PRSS23: variants seen among roughly 807,000 people sequenced by gnomAD.
PRSS23 encodes the protein serine protease 23.
Under a neutral mutation model 34.7 loss-of-function variants are expected in PRSS23, and 25 were observed. The observed-to-expected ratio is 0.72, with a 90% CI of 0.53 to 1.01. The LOEUF is 1.01. Among genes scored for constraint, PRSS23 ranks in the 50% least tolerant of loss-of-function variants. PRSS23 has a pLI of 0.00. For missense variants in PRSS23, 445 were observed against 475.6 expected (o/e 0.94, Z 0.60); for synonymous variants, 176 against 186.6 (o/e 0.94, Z 0.46).
At chr11:86,900,160 C>A (rs1948901957) in intron 2 of PRSS23, among the ~76,000 whole-genome samples, 1 of 152,194 alleles carries the variant, frequency 6.6e-6, no homozygotes, top group Non-Finnish European at 1.5e-5. Flanking sequence ...AGACTGGTAT[C>A]TTGTTCTCTA....
At chr11:86,796,486 A>G (rs1947981546), upstream of PRSS23, among the ~76,000 whole-genome samples, 1 of 151,442 alleles carries the variant, frequency 6.6e-6, no homozygotes, top group Admixed American at 6.6e-5. Context: ...CTAAAAATAC[A>G]AAAAATTAGC....
At chr11:86,883,320 A>G (rs567933148) in intron 2 of PRSS23, among the ~76,000 whole-genome samples, 2 of 152,372 alleles carry the variant, frequency 1.3e-5, no homozygotes, top group African/African-American at 4.8e-5. Flanking sequence ...AACAGAATAG[A>G]GAACCCAGAA....
intron 2 of PRSS23, among the ~76,000 whole-genome samples, chr11:86,854,760 A>G (rs1309984941): frequency 6.6e-6 from 1 of 152,256 alleles, no homozygotes; most frequent in Non-Finnish European, 1.5e-5. Context: ...CGATTTGTTG[A>G]AAAGTATGCT....
intron 2 of PRSS23, among the ~76,000 whole-genome samples, chr11:86,884,609 C>T (rs1460073034): frequency 4.6e-5 from 7 of 152,192 alleles, no homozygotes; most frequent in Non-Finnish European, 7.3e-5. Flanking sequence ...GTCTTGCACT[C>T]ATATTTGATT....
chr11:86,829,079 T>A (rs532825238), intron 2 of PRSS23, among the ~76,000 whole-genome samples: 1 of 152,262 alleles, frequency 6.6e-6, no homozygotes, highest in Non-Finnish European at 1.5e-5. Flanking sequence ...GATAATGACC[T>A]GCAGAGTATT....
intron 2 of PRSS23, among the ~76,000 whole-genome samples, chr11:86,879,662 C>T (rs1194144663): frequency 3.1e-4 from 36 of 115,902 alleles, no homozygotes; most frequent in Non-Finnish European, 4.9e-4. Flanking sequence ...CCGCCCCGTC[C>T]GGGAAGGAGG....
chr11:86,873,473 G>A (rs1948701562), intron 2 of PRSS23, among the ~76,000 whole-genome samples: 1 of 151,512 alleles, frequency 6.6e-6, no homozygotes, highest in Non-Finnish European at 1.5e-5. Flanking sequence ...AGTAGAGTCG[G>A]GGTTTTCCTA....
chr11:86,899,889 G>A (rs1449304928), intron 2 of PRSS23, among the ~76,000 whole-genome samples: 4 of 151,378 alleles, frequency 2.6e-5, no homozygotes, highest in Non-Finnish European at 5.9e-5. Flanking sequence ...AAATTGGGAA[G>A]AGAAACACAT....
At chr11:86,862,363 T>C (rs1948622180) in intron 2 of PRSS23, among the ~76,000 whole-genome samples, 1 of 151,910 alleles carries the variant, frequency 6.6e-6, no homozygotes, top group South Asian at 2.1e-4. Context: ...ACAGGGGGTG[T>C]TCACCCTGGG....
intron 2 of PRSS23, among the ~76,000 whole-genome samples, chr11:86,895,171 C>T (rs1948866160): frequency 6.6e-6 from 1 of 152,172 alleles, no homozygotes; most frequent in Non-Finnish European, 1.5e-5. Context: ...AATTAAACAT[C>T]TATTCTACCC....
intron 2 of PRSS23, among the ~76,000 whole-genome samples, chr11:86,868,420 ATGT>A (rs942450626): frequency 6.6e-6 from 1 of 152,102 alleles, no homozygotes; most frequent in African/African-American, 2.4e-5. Context: ...GAGGTTATAA[ATGT>A]TGTTGAAAGA....
intron 2 of PRSS23, among the ~76,000 whole-genome samples, chr11:86,913,946 T>C (rs1948994608): frequency 6.8e-6 from 1 of 147,424 alleles, no homozygotes; most frequent in Non-Finnish European, 1.5e-5. Context: ...AGCTTATGCC[T>C]GTAATCCAAA....
chr11:86,911,044 A>G (rs1948973664), intron 2 of PRSS23: 1 of 152,112 alleles, frequency 6.6e-6, no homozygotes. Context: ...GAAGTACCAG[A>G]ATCTCAAAGT....
chr11:86,820,940 A>G (rs971148316), intron 1 of PRSS23, among the ~76,000 whole-genome samples: 1 of 152,202 alleles, frequency 6.6e-6, no homozygotes, highest in African/African-American at 2.4e-5. Flanking sequence ...TTCTAAAACC[A>G]TGAGTGCCAC....
chr11:86,907,246 C>G (rs1280453987), intron 2 of PRSS23, among the ~76,000 whole-genome samples: 1 of 152,040 alleles, frequency 6.6e-6, no homozygotes, highest in Non-Finnish European at 1.5e-5. Context: ...GGACATATGC[C>G]TAGAAAGAAA....
In PRSS23 at chr11:86,951,161, C is replaced by T. The variant is rs1949286997; in HGVS notation, c.207-55C>T. ...CTAGCCTTATACCACAGTCTCACTG[C>T]CTTTTCCAGGCTTCACCCAACCATT... On this transcript the variant is annotated intron_variant, in intron 2 of 2. Coordinates refer to the PRSS23 transcript ENST00000533902. 2 of 1,614,106 alleles carry T rather than the reference C, an allele frequency of 1.2e-6. No individual in the cohort carries two copies. The highest frequency in any genetic ancestry group is 1.7e-6 in the Non-Finnish European group (2 of 1,179,942).
intron 2 of PRSS23, chr11:86,857,170 T>C: frequency 2.8e-6 from 1 of 355,058 alleles, no homozygotes; most frequent in South Asian, 3.0e-5. Flanking sequence ...GACCACAGCG[T>C]ACATCACTGA....
chr11:86,819,642 A>G (rs1223517818), intron 1 of PRSS23, among the ~76,000 whole-genome samples: 5 of 152,162 alleles, frequency 3.3e-5, no homozygotes, highest in Non-Finnish European at 5.9e-5. Context: ...CAGGTTTGGA[A>G]AGGCATACAC....
rs1417945618 is a variant in PRSS23 at position 86,807,994 on chromosome 11, C to T, written c.351C>T (p.Asp117=). ...SSSGDGAQHR[D]SGSSGKSRRK... ...GTGGAGATGGGGCCCAACACCGAGA[C>T]TCAGGGTCTTCAGGAAAGTCTCGAA... The change falls in exon 2 of 2, where the codon GAC becomes GAT. Residue 117 remains aspartate, a synonymous_variant. Coordinates refer to ENST00000280258, the MANE Select transcript of PRSS23 (RefSeq NM_007173.6). The T allele has an allele frequency of 1.2e-6, 2 of 1,614,108 alleles. No individual in the cohort carries two copies. Among genetic ancestry groups the T allele is most frequent in the African/African-American group, 1.3e-5 (1 of 75,020 alleles).
Sources: allele counts gnomAD v4.1 joint callset (sites outside exome capture counted in the v4.1 genomes callset), GRCh38; gene constraint gnomAD v4.1.1; transcripts MANE v1.5; gene names NCBI Gene and HGNC (gene_info 2026-07-23, HGNC 2026-07-21).